Variants in GRAMD4 observed in about 807,000 individuals in gnomAD.
GRAMD4 encodes the protein GRAM domain containing 4.
GRAMD4 carries 25 observed loss-of-function variants against 83.9 expected under a neutral mutation model. The ratio of observed to expected loss-of-function variants is 0.30; its 90% CI spans 0.22 to 0.42. The LOEUF is 0.42. Among genes scored for constraint, GRAMD4 ranks in the 10% least tolerant of loss-of-function variants. GRAMD4 has a pLI of 1.00. For missense variants in GRAMD4, 593 were observed against 788.7 expected, an observed-to-expected ratio of 0.75 and a Z score of 2.97; for synonymous variants, 336 against 320.9, an observed-to-expected ratio of 1.05 and a Z score of -0.50.
rs368054243 is a variant in GRAMD4, at chr22:46,666,676, G to A, written c.810-149G>A. ...GACTGCTCTCACAGCAGGGGGTTCC[G>A]GAGGGACCTTTTCTCCCCATTGGGC... On this transcript the variant is annotated intron_variant, in intron 9 of 18. Transcript: ENST00000406902. The A allele has an allele frequency of 4.7e-4, 316 of 676,444 alleles. 2 individuals are homozygous for A. In the East Asian group the frequency reaches 6.4e-3, roughly 14 times the overall value. The allele number at this position is 676,444 out of a possible 1,614,324, so 41.9% of individuals were successfully genotyped here.
chr22:46,595,383 C>A (rs575287460), intron 1 of GRAMD4, among the ~76,000 whole-genome samples: 55 of 152,336 alleles, frequency 3.6e-4, no homozygotes, highest in African/African-American at 1.2e-3. Flanking sequence ...TTGTGAATCT[C>A]CCTTTTATGC....
At chr22:46,644,897 C>CTTTTTTTTTTTTTT (rs35677843) in intron 3 of GRAMD4, among the ~76,000 whole-genome samples, 4 of 40,984 alleles carry the variant, frequency 9.8e-5, no homozygotes, top group Non-Finnish European at 1.2e-4. Flanking sequence ...TGCACATGGC[C>CTTTTTTTTTTTTTT]TTTTTTTTTT....
chr22:46,590,114 CAGG>C (rs1016665608), intron 1 of GRAMD4, among the ~76,000 whole-genome samples: 10 of 152,222 alleles, frequency 6.6e-5, no homozygotes, highest in African/African-American at 2.2e-4. Flanking sequence ...CCGTGGCAGT[CAGG>C]AGAGCCTTGG....
rs1052072756 is a variant in GRAMD4 at position 46,679,203 on chromosome 22, C to T, written c.*1952C>T. On this transcript the variant is annotated 3_prime_UTR_variant, in exon 19 of 19. Transcript: ENST00000406902. ...CCGGGGCCTCGGGGCCAATGAGCGC[C>T]TCTTCCTAGGTGCTGGGATTCAGTC... 6.1e-6 allele frequency: 6 copies of T among 983,532 alleles called. No homozygotes were observed. The highest frequency in any genetic ancestry group is 3.5e-5 in the African/African-American group (2 of 57,266). 60.9% of individuals were successfully genotyped at this position (983,532 alleles called of 1,614,324 possible).
chr22:46,630,310 G>C (rs1464341034), intron 2 of GRAMD4, among the ~76,000 whole-genome samples: 1 of 152,186 alleles, frequency 6.6e-6, no homozygotes, highest in Admixed American at 6.5e-5. Flanking sequence ...ACAGACGTGA[G>C]CCACCGCGCC....
At chr22:46,636,911 T>A (rs916803620) in intron 2 of GRAMD4, among the ~76,000 whole-genome samples, 1 of 151,718 alleles carries the variant, frequency 6.6e-6, no homozygotes, top group Admixed American at 6.6e-5. Context: ...TGAGCTGGGG[T>A]TTTTGTGGAG....
At chr22:46,680,586 C>CCATACATCCACCCACCCACCCATT (rs2082658369), downstream of GRAMD4, among the ~76,000 whole-genome samples, 4 of 23,174 alleles carry the variant, frequency 1.7e-4, no homozygotes, top group African/African-American at 3.9e-4. Context: ...ATCCATCCAT[C>CCATACATCCACCCACCCACCCATT]CATCCATCCA....
intron 1 of GRAMD4, among the ~76,000 whole-genome samples, chr22:46,579,717 G>A (rs1489514885): frequency 1.3e-5 from 2 of 152,110 alleles, no homozygotes; most frequent in African/African-American, 4.8e-5. Context: ...TCTCTGTTTG[G>A]GTATTTCTCT....
chr22:46,623,452 G>A (rs544073395), intron 1 of GRAMD4, among the ~76,000 whole-genome samples: 1 of 152,098 alleles, frequency 6.6e-6, no homozygotes, highest in East Asian at 1.9e-4. Context: ...CAGTGGTGCA[G>A]TCTCGGCTCA....
At chr22:46,619,973 G>A (rs901981859), upstream of GRAMD4, among the ~76,000 whole-genome samples, 8 of 152,314 alleles carry the variant, frequency 5.3e-5, no homozygotes, top group Middle Eastern at 3.4e-3. Flanking sequence ...CAGATAATAA[G>A]GGGATGAAGG....
intron 1 of GRAMD4, among the ~76,000 whole-genome samples, chr22:46,599,204 G>A (rs933330959): frequency 6.6e-6 from 1 of 152,180 alleles, no homozygotes. Context: ...GCCACCCTGG[G>A]CGCAGACAGG....
intron 1 of GRAMD4, among the ~76,000 whole-genome samples, chr22:46,597,583 G>C (rs1018669835): frequency 1.3e-5 from 2 of 152,076 alleles, no homozygotes; most frequent in African/African-American, 4.8e-5. Context: ...TCCGCCTCCT[G>C]GGTTCACACC....
intron 13 of GRAMD4, among the ~76,000 whole-genome samples, chr22:46,669,400 C>T (rs906752722): frequency 1.3e-5 from 2 of 148,866 alleles, no homozygotes; most frequent in African/African-American, 4.9e-5. Flanking sequence ...GGGTGGCTGG[C>T]GGTGAGGACC....
In GRAMD4 at chr22:46,659,628, G is replaced by C. The variant is rs1181088118; in HGVS notation, c.404+1321G>C. Among the ~76,000 whole-genome samples the C allele has an allele frequency of 6.6e-6, 1 of 152,218 alleles. No homozygotes were observed. The highest frequency in any genetic ancestry group is 2.4e-5 in the African/African-American group (1 of 41,452). On this transcript the variant is annotated intron_variant, in intron 4 of 18. Transcript: ENST00000406902. The surrounding 1 kb of genome is among the most constrained non-coding windows in gnomAD (Gnocchi z 4.1). ...CACCCTCAGGTTTAGTGTGTGGGAA[G>C]ACGGGGGATCCGCTGGGCTGACTCC... is the stretch of plus-strand genomic sequence containing the variant.
chr22:46,577,797 C>T (rs914066131), intron 1 of GRAMD4, among the ~76,000 whole-genome samples: 8 of 152,248 alleles, frequency 5.3e-5, no homozygotes, highest in Non-Finnish European at 1.0e-4. Flanking sequence ...TCTGCCCTGT[C>T]TTCTCTCCCT....
At chr22:46,585,275 C>G (rs532711893) in intron 1 of GRAMD4, among the ~76,000 whole-genome samples, 92 of 151,884 alleles carry the variant, frequency 6.1e-4, no homozygotes, top group African/African-American at 2.0e-3. Flanking sequence ...ATTGCAACCT[C>G]CACCTCCCAG....
intron 1 of GRAMD4, among the ~76,000 whole-genome samples, chr22:46,599,136 T>C (rs2081288590): frequency 6.6e-6 from 1 of 151,974 alleles, no homozygotes; most frequent in Non-Finnish European, 1.5e-5. Flanking sequence ...AAGAAGTAGA[T>C]TTTTGGAGCC....
At chr22:46,603,242 G>A (rs1157435544) in intron 1 of GRAMD4, among the ~76,000 whole-genome samples, 119 of 116,486 alleles carry the variant, frequency 1.0e-3, no homozygotes, top group African/African-American at 4.0e-3. Context: ...GAGTCTCGCT[G>A]TGTTGCCCAG....
Position 46,672,698 on chromosome 22 carries a change from A to G in GRAMD4, c.1085-145A>G. On this transcript the variant is annotated intron_variant, in intron 13 of 18. Coordinates refer to ENST00000406902, the MANE Select transcript of GRAMD4 (RefSeq NM_015124.5). The surrounding 1 kb of genome is among the most constrained non-coding windows in gnomAD (Gnocchi z 4.7). The stretch of plus-strand genomic sequence containing the variant: ...GAGGCTGGGGGTATCCAGGGTGAGG[A>G]CTGAGCGAGCAGCTGGACTCTCACA... 1 of 642,578 alleles carries G rather than the reference A, an allele frequency of 1.6e-6. No homozygotes were observed. Among genetic ancestry groups the G allele is most frequent in the South Asian group, 1.9e-5 (1 of 53,858 alleles). The allele number at this position is 642,578 out of a possible 1,614,324, so 39.8% of individuals were successfully genotyped here. A position where few individuals can be genotyped will look rare whatever the true frequency, so the allele number is the denominator to read the frequency against.
Sources: allele counts gnomAD v4.1 joint callset (sites outside exome capture counted in the v4.1 genomes callset), GRCh38; gene constraint gnomAD v4.1.1; non-coding constraint Gnocchi (gnomAD v3.1); transcripts MANE v1.5; gene names NCBI Gene and HGNC (gene_info 2026-07-23, HGNC 2026-07-21).